The following GRID2 variants were observed in gnomAD, a reference collection of about 807,000 sequenced individuals.
GRID2 encodes glutamate ionotropic receptor delta type subunit 2.
Under a neutral mutation model 114.8 loss-of-function variants are expected in GRID2, and 33 were observed. The ratio of observed to expected loss-of-function variants is 0.29; its 90% confidence interval spans 0.22 to 0.38. The LOEUF is 0.38. Among genes scored for constraint, GRID2 ranks in the 10% least tolerant of loss-of-function variants. GRID2 has a pLI of 1.00. For missense variants in GRID2, 1,184 were observed against 1,257.7 expected (o/e 0.94, Z 0.89); for synonymous variants, 505 against 449.9 (o/e 1.12, Z -1.55).
At chr4:93,160,168 T>C (rs1029165221) in intron 4 of GRID2, among the ~76,000 whole-genome samples, 8 of 151,726 alleles carry the variant, frequency 5.3e-5, no homozygotes, top group African/African-American at 1.9e-4. Flanking sequence ...TCGTGAGTTG[T>C]AAAACACAGG....
intron 2 of GRID2, among the ~76,000 whole-genome samples, chr4:93,025,661 A>T (rs566326297): frequency 2.0e-5 from 3 of 151,864 alleles, no homozygotes; most frequent in Admixed American, 2.0e-4. Flanking sequence ...ACCGGGGCAA[A>T]CTTCCTTCCT....
chr4:93,338,534 A>G (rs1032672806), intron 8 of GRID2, among the ~76,000 whole-genome samples: 4 of 152,178 alleles, frequency 2.6e-5, no homozygotes, highest in Admixed American at 2.6e-4. Context: ...ACAAGTTTGA[A>G]TATAATTTTT....
chr4:92,400,730 C>G (rs531068331), intron 1 of GRID2, among the ~76,000 whole-genome samples: 9 of 152,138 alleles, frequency 5.9e-5, no homozygotes, highest in African/African-American at 2.2e-4. Context: ...ACCATTAACG[C>G]ATGAAGGTTC....
At chr4:92,538,092 G>A (rs1725744023) in intron 1 of GRID2, among the ~76,000 whole-genome samples, 1 of 151,812 alleles carries the variant, frequency 6.6e-6, no homozygotes, top group South Asian at 2.1e-4. Flanking sequence ...ACTTACTATA[G>A]ATCTGTTAGT....
At chr4:93,209,275 A>T (rs1049370534) in intron 5 of GRID2, among the ~76,000 whole-genome samples, 2 of 151,748 alleles carry the variant, frequency 1.3e-5, no homozygotes, top group Non-Finnish European at 2.9e-5. Context: ...GTAGACCCCG[A>T]AGTGTGTTGT....
intron 4 of GRID2, among the ~76,000 whole-genome samples, chr4:93,164,153 G>A (rs553733228): frequency 1.4e-5 from 2 of 138,074 alleles, no homozygotes; most frequent in African/African-American, 5.0e-5. Context: ...AACCAAGCCC[G>A]GGGGGGGAAA....
Position 92,699,624 on chromosome 4 carries a change from G to A in GRID2, c.244+109338G>A, listed in dbSNP as rs562643074. On this transcript the variant is annotated intron_variant, in intron 2 of 15. Coordinates refer to ENST00000282020, the MANE Select transcript of GRID2 (RefSeq NM_001510.4). ...TCTTGTTTTGAAAATAATTTTCGTT[G>A]CTGTTGTATAGCTGAATAACATGAG... Among the ~76,000 whole-genome samples the A allele has an allele frequency of 3.9e-5, 6 of 152,178 alleles. No individual in the cohort carries two copies. In the East Asian group the frequency reaches 5.8e-4, roughly 15 times the overall value.
chr4:92,642,924 C>A (rs1731430022), intron 2 of GRID2, among the ~76,000 whole-genome samples: 2 of 151,446 alleles, frequency 1.3e-5, no homozygotes, highest in Admixed American at 1.3e-4. Context: ...GGGTGTGGGG[C>A]TTTATTTCTG....
At chr4:93,376,893 G>A (rs1763433693) in intron 8 of GRID2, among the ~76,000 whole-genome samples, 1 of 152,152 alleles carries the variant, frequency 6.6e-6, no homozygotes, top group Non-Finnish European at 1.5e-5. Context: ...TGGGTGATGG[G>A]TTGATAAGTG....
chr4:92,388,252 A>T (rs962898024), intron 1 of GRID2, among the ~76,000 whole-genome samples: 2 of 152,046 alleles, frequency 1.3e-5, no homozygotes, highest in Admixed American at 6.6e-5. Context: ...TTTTTAGGTC[A>T]TTGGCTGTTT....
At chr4:92,699,420 G>A (rs1734565045) in intron 2 of GRID2, among the ~76,000 whole-genome samples, 1 of 152,140 alleles carries the variant, frequency 6.6e-6, no homozygotes, top group East Asian at 1.9e-4. Flanking sequence ...GCTGAATGAT[G>A]TTTGGCATGC....
intron 4 of GRID2, among the ~76,000 whole-genome samples, chr4:93,145,590 C>T (rs1736139378): frequency 7.1e-6 from 1 of 141,536 alleles, no homozygotes; most frequent in Non-Finnish European, 1.5e-5. Context: ...TCCTGAGTAG[C>T]TGGAATTACA....
At chr4:93,225,720 A>G (rs1426244329) in intron 7 of GRID2, among the ~76,000 whole-genome samples, 1 of 152,226 alleles carries the variant, frequency 6.6e-6, no homozygotes, top group Non-Finnish European at 1.5e-5. Context: ...AGAGGAAATA[A>G]ATATTTTAAA....
intron 2 of GRID2, among the ~76,000 whole-genome samples, chr4:92,850,252 C>T (rs1470825286): frequency 1.3e-5 from 2 of 151,530 alleles, no homozygotes; most frequent in East Asian, 1.9e-4. Context: ...TTTAGATATA[C>T]ATTGAAATAA....
intron 11 of GRID2, among the ~76,000 whole-genome samples, chr4:93,470,684 T>C (rs1724717719): frequency 6.6e-6 from 1 of 152,130 alleles, no homozygotes; most frequent in South Asian, 2.1e-4. Context: ...CCCTGATTTT[T>C]CAATGTAGTT....
chr4:93,257,598 T>C (rs904858845), intron 8 of GRID2, among the ~76,000 whole-genome samples: 1 of 151,690 alleles, frequency 6.6e-6, no homozygotes, highest in Non-Finnish European at 1.5e-5. Context: ...TCAAGAATTC[T>C]GTTAATATTA....
intron 14 of GRID2, among the ~76,000 whole-genome samples, chr4:93,650,779 GT>G (rs2149721172): frequency 6.6e-6 from 1 of 152,126 alleles, no homozygotes; most frequent in East Asian, 1.9e-4. Context: ...AAATTAACCT[GT>G]TCAAAGAAAA....
chr4:92,978,613 A>G (rs1213238786), intron 2 of GRID2, among the ~76,000 whole-genome samples: 1 of 152,180 alleles, frequency 6.6e-6, no homozygotes, highest in Non-Finnish European at 1.5e-5. Flanking sequence ...GTATAAAACA[A>G]ATTATGGATG....
At chr4:92,901,753 G>C (rs1447654930) in intron 2 of GRID2, among the ~76,000 whole-genome samples, 1 of 151,974 alleles carries the variant, frequency 6.6e-6, no homozygotes, top group Non-Finnish European at 1.5e-5. Flanking sequence ...ATGATGTGCT[G>C]TTGGATACAG....
Sources: allele counts gnomAD v4.1 joint callset (sites outside exome capture counted in the v4.1 genomes callset), GRCh38; gene constraint gnomAD v4.1.1; transcripts MANE v1.5; gene names NCBI Gene and HGNC (gene_info 2026-07-23, HGNC 2026-07-21).